REDIC1: variants seen among roughly 807,000 people sequenced by gnomAD.
The protein encoded by REDIC1 is regulator of DNA class I crossover intermediates 1.
At chr12:39,764,513 T>C in the REDIC1 span, 2 of 1,611,052 alleles carry the variant, frequency 1.2e-6, no homozygotes, top group East Asian at 2.2e-5. Flanking sequence ...AACCAGGACA[T>C]TGAAAATCCA....
At chr12:39,812,770 C>T in the REDIC1 span, among the ~76,000 whole-genome samples, 17 of 148,432 alleles carry the variant, frequency 1.1e-4, no homozygotes, top group African/African-American at 2.7e-4. Context: ...TTGCACCTGG[C>T]GGTTTCTAAT....
At chr12:39,718,095 G>C in the REDIC1 span, among the ~76,000 whole-genome samples, 8 of 152,020 alleles carry the variant, frequency 5.3e-5, no homozygotes, top group African/African-American at 1.9e-4. Context: ...TCCGAGTCTT[G>C]ATGATGTTCA....
At chr12:39,681,982 A>G in the REDIC1 span, among the ~76,000 whole-genome samples, 6 of 129,344 alleles carry the variant, frequency 4.6e-5, no homozygotes, top group African/African-American at 1.8e-4. Context: ...ATTCTTGTGC[A>G]CAAATTGGAC....
the REDIC1 span, among the ~76,000 whole-genome samples, chr12:39,839,004 T>C: frequency 7.6e-3 from 1,160 of 152,204 alleles, 22 homozygotes; most frequent in African/African-American, 0.027. Flanking sequence ...TCCAATTTCA[T>C]TTTCTGCAGG....
chr12:39,694,258 C>T, the REDIC1 span, among the ~76,000 whole-genome samples: 2 of 151,968 alleles, frequency 1.3e-5, no homozygotes, highest in Non-Finnish European at 2.9e-5. Flanking sequence ...TATCTACACA[C>T]AAAAAAACAC....
chr12:39,682,629 A>G, the REDIC1 span: 1 of 1,581,820 alleles, frequency 6.3e-7, no homozygotes, highest in Middle Eastern at 1.7e-4. Context: ...ATAGGAATTT[A>G]CTTACTAAAA....
the REDIC1 span, among the ~76,000 whole-genome samples, chr12:39,790,404 T>C: frequency 7.6e-6 from 1 of 130,812 alleles, no homozygotes; most frequent in Non-Finnish European, 1.5e-5. Context: ...CAGAGTGTGA[T>C]ATTCCCTTCC....
chr12:39,696,564 AAAAAAAAAAAAAAAAAT>A, the REDIC1 span, among the ~76,000 whole-genome samples: 211 of 142,490 alleles, frequency 1.5e-3, 3 homozygotes, highest in African/African-American at 5.4e-3. Context: ...AAAAAAAAAA[AAAAAAAAAAAAAAAAAT>A]AACGCACCAA....
chr12:39,704,725 T>C, the REDIC1 span, among the ~76,000 whole-genome samples: 2 of 152,192 alleles, frequency 1.3e-5, no homozygotes, highest in Admixed American at 6.5e-5. Flanking sequence ...ATATAGAGCA[T>C]GGAATACTAT....
At chr12:39,644,476 G>A in the REDIC1 span, among the ~76,000 whole-genome samples, 1 of 151,662 alleles carries the variant, frequency 6.6e-6, no homozygotes, top group Non-Finnish European at 1.5e-5. Context: ...TCCTCTTTTA[G>A]AGGAACTTGT....
chr12:39,884,714 A>T, the REDIC1 span, among the ~76,000 whole-genome samples: 1 of 152,170 alleles, frequency 6.6e-6, no homozygotes, highest in Non-Finnish European at 1.5e-5. Context: ...AGTAAAGGTA[A>T]AGAGCTGCTG....
the REDIC1 span, among the ~76,000 whole-genome samples, chr12:39,661,431 T>C: frequency 6.6e-6 from 1 of 152,142 alleles, no homozygotes; most frequent in African/African-American, 2.4e-5. Flanking sequence ...TTTTTAAATA[T>C]ACCTTTTGGG....
the REDIC1 span, among the ~76,000 whole-genome samples, chr12:39,706,300 CTT>C: frequency 6.6e-6 from 1 of 151,846 alleles, no homozygotes; most frequent in African/African-American, 2.4e-5. Flanking sequence ...TAATGAAAGA[CTT>C]TGAAGAGGAC....
At chr12:39,839,904 G>T in the REDIC1 span, among the ~76,000 whole-genome samples, 3 of 152,034 alleles carry the variant, frequency 2.0e-5, no homozygotes, top group Non-Finnish European at 1.5e-5. Context: ...CAAACCTATT[G>T]TTCCTTTTGT....
chr12:39,731,747 C>T, the REDIC1 span, among the ~76,000 whole-genome samples: 1 of 152,054 alleles, frequency 6.6e-6, no homozygotes, highest in East Asian at 1.9e-4. Context: ...GAAGTTGTGC[C>T]TATAGCCGCC....
At chr12:39,891,421 A>G in the REDIC1 span, among the ~76,000 whole-genome samples, 1 of 152,102 alleles carries the variant, frequency 6.6e-6, no homozygotes, top group Non-Finnish European at 1.5e-5. Flanking sequence ...TTGTCTCCTC[A>G]GTAAATATCA....
the REDIC1 span, among the ~76,000 whole-genome samples, chr12:39,806,026 T>C: frequency 6.6e-6 from 1 of 152,228 alleles, no homozygotes; most frequent in East Asian, 1.9e-4. Flanking sequence ...CTGATATTGA[T>C]TGCTACCAGA....
chr12:39,884,717 A>C, the REDIC1 span, among the ~76,000 whole-genome samples: 1 of 152,178 alleles, frequency 6.6e-6, no homozygotes, highest in Non-Finnish European at 1.5e-5. Flanking sequence ...AAAGGTAAAG[A>C]GCTGCTGGAA....
At chr12:39,708,961 A>G in the REDIC1 span, among the ~76,000 whole-genome samples, 2 of 152,000 alleles carry the variant, frequency 1.3e-5, no homozygotes, top group Non-Finnish European at 2.9e-5. Context: ...ATGAAGTATT[A>G]TCTTTATAAT....
Sources: gnomAD v4.1 joint callset for allele counts (sites outside exome capture counted in the v4.1 genomes callset) on GRCh38, gnomAD v4.1.1 for gene constraint, MANE v1.5 for transcripts, NCBI Gene and HGNC (gene_info 2026-07-23, HGNC 2026-07-21) for gene names.